Variants in PIN1 observed in about 807,000 individuals in gnomAD.
PIN1 encodes peptidyl-prolyl cis-trans isomerase NIMA-interacting 1.
PIN1 carries 8 observed loss-of-function variants against 19.9 expected under a neutral mutation model. That is an observed-to-expected ratio of 0.40 (90% CI 0.24 to 0.72). The LOEUF is 0.72. PIN1 is among the 30% of genes least tolerant of loss of function. PIN1 has a pLI of 0.37. For missense variants in PIN1, 185 were observed against 226.5 expected (o/e 0.82, Z 1.18); for synonymous variants, 86 against 90.8 (o/e 0.95, Z 0.30).
chr19:9,835,462 C>A (rs1331549179), intron 1 of PIN1, 60 bp downstream of exon 1: 1 of 1,217,274 alleles, frequency 8.2e-7, no homozygotes, highest in South Asian at 1.7e-5. Flanking sequence ...AGGGCTCGAG[C>A]TCGCCCCTTG....
intron 1 of PIN1, 163 bp downstream of exon 1, chr19:9,835,565 C>T (rs182569694): frequency 1.2e-5 from 7 of 571,390 alleles, no homozygotes; most frequent in African/African-American, 1.2e-4. Flanking sequence ...GTTGTGGGGA[C>T]TGCGAGCCTC....
intron 1 of PIN1, 141 bp downstream of exon 1, chr19:9,835,543 C>G (rs2046093805): frequency 3.2e-6 from 2 of 629,372 alleles, no homozygotes; most frequent in Admixed American, 8.6e-5. Context: ...GGTAACGGCC[C>G]CGGCCCGCCC....
At chr19:9,840,213 C>A (rs141474022) in intron 2 of PIN1, among the ~76,000 whole-genome samples, 1 of 152,020 alleles carries the variant, frequency 6.6e-6, no homozygotes, top group African/African-American at 2.4e-5. Flanking sequence ...ACGGTGAAAC[C>A]CTGTCTTTAC....
chr19:9,838,512 C>T lies in PIN1; in HGVS notation c.135C>T (p.Gly45=). 1 of 1,604,170 alleles carries T rather than the reference C, an allele frequency of 6.2e-7. No homozygotes were observed. Among genetic ancestry groups the T allele is most frequent in the Non-Finnish European group, 8.5e-7 (1 of 1,176,646 alleles). ...CCAGCGGCAACAGCAGCAGTGGTGG[C>T]AAAAACGGGCAGGGGGAGCCTGCCA... The part of the protein sequence containing the change: ...ERPSGNSSSG[G]KNGQGEPARV... The change falls in exon 2 of 4, where the codon GGC becomes GGT. Residue 45 remains glycine (G), a synonymous_variant. Transcript: ENST00000247970. The surrounding 1 kb of genome is among the most constrained non-coding windows in gnomAD (Gnocchi z 5.8).
At chr19:9,839,079 TATC>T (rs1250044778) in intron 2 of PIN1, among the ~76,000 whole-genome samples, 2 of 152,118 alleles carry the variant, frequency 1.3e-5, no homozygotes, top group South Asian at 2.1e-4. Context: ...TCAATAGTAA[TATC>T]ATCCACTAGG....
chr19:9,847,461 T>C (rs560479238), intron 2 of PIN1, among the ~76,000 whole-genome samples: 18 of 152,330 alleles, frequency 1.2e-4, no homozygotes, highest in African/African-American at 4.3e-4. Flanking sequence ...CGAGTGTCCC[T>C]TGCAGAGCCC....
intron 2 of PIN1, 23 bp from the exon 3 acceptor site, chr19:9,848,007 C>T (rs1245133273): frequency 6.7e-7 from 1 of 1,488,824 alleles, no homozygotes; most frequent in Admixed American, 1.7e-5. Flanking sequence ...ACCTGGCACT[C>T]CCATTCCGTT....
At chr19:9,835,628 G>T in intron 1 of PIN1, 1 of 491,514 alleles carries the variant, frequency 2.0e-6, no homozygotes. Flanking sequence ...GGCGGGTGAG[G>T]GTCCGGGGAG....
At chr19:9,848,478 C>T (rs1169263401) in intron 3 of PIN1, 1 of 324,900 alleles carries the variant, frequency 3.1e-6, no homozygotes, top group Non-Finnish European at 5.9e-6. Flanking sequence ...AGGTTGAGGG[C>T]CCTGAGAGTC....
intron 1 of PIN1, chr19:9,837,032 G>C (rs1039726977): frequency 4.7e-6 from 2 of 422,816 alleles, no homozygotes; most frequent in African/African-American, 4.1e-5. Flanking sequence ...GTGTGGCTCA[G>C]GCTGCAGTGC....
intron 1 of PIN1, 24 bp downstream of exon 1, chr19:9,835,426 G>C (rs1438754434): frequency 6.9e-7 from 1 of 1,446,546 alleles, no homozygotes; most frequent in Non-Finnish European, 9.1e-7. Flanking sequence ...CGGGGCTGGG[G>C]CGGGACTGCG....
chr19:9,848,166 G>C (rs2046240530), intron 3 of PIN1, 26 bp downstream of exon 3: 1 of 1,399,138 alleles, frequency 7.1e-7, no homozygotes, highest in East Asian at 2.3e-5. Context: ...GCCTCACCAG[G>C]TTGGGGGACC....
chr19:9,844,237 GGCCT>G (rs34164930), intron 2 of PIN1, among the ~76,000 whole-genome samples: 9,831 of 152,096 alleles, frequency 0.065, 746 homozygotes, highest in African/African-American at 0.18. Flanking sequence ...ATCTGTCAGG[GGCCT>G]GCTCTGCAAC....
chr19:9,848,201 C>T (rs1281522449), intron 3 of PIN1, 61 bp downstream of exon 3: 1 of 1,041,474 alleles, frequency 9.6e-7, no homozygotes, highest in Non-Finnish European at 1.5e-6. Context: ...GGGTAGAGGC[C>T]AGGAGGGTCT....
intron 2 of PIN1, among the ~76,000 whole-genome samples, chr19:9,843,110 C>T (rs537506711): frequency 9.2e-5 from 14 of 152,338 alleles, no homozygotes; most frequent in Non-Finnish European, 1.8e-4. Flanking sequence ...CCTCCCTGCC[C>T]GCTCTCCACC....
chr19:9,836,766 T>C, intron 1 of PIN1: 1 of 1,158,906 alleles, frequency 8.6e-7, no homozygotes, highest in South Asian at 1.3e-5. Context: ...AGCAGAGCTT[T>C]CGGGTGTGAA....
rs1292213007 is a variant in PIN1, at chr19:9,838,393, G to A, written c.59-43G>A. The A allele has an allele frequency of 6.6e-7, 1 of 1,512,450 alleles. No homozygotes were observed. The highest frequency in any genetic ancestry group is 2.3e-5 in the East Asian group (1 of 42,996). The allele number at this position is 1,512,450 out of a possible 1,614,324, so 93.7% of individuals were successfully genotyped here. A position where few individuals can be genotyped will look rare whatever the true frequency, so the allele number is the denominator to read the frequency against. On this transcript the variant is annotated intron_variant, in intron 1 of 3. Transcript: ENST00000247970. This position sits in a 1 kb window ranked among gnomAD's most constrained non-coding sequence, Gnocchi z 5.8. ...TGGCTGTGGGCCCAGGGGTGTCCTG[G>A]GAGCACAACCCTAGCTGAATTCCTG...
At chr19:9,847,230 G>A (rs1404923735) in intron 2 of PIN1, among the ~76,000 whole-genome samples, 1 of 152,184 alleles carries the variant, frequency 6.6e-6, no homozygotes, top group Non-Finnish European at 1.5e-5. Flanking sequence ...GAGTCACTCA[G>A]ATGCTACTCT....
intron 2 of PIN1, among the ~76,000 whole-genome samples, chr19:9,843,484 T>C (rs117191051): frequency 2.1e-3 from 323 of 152,368 alleles, no homozygotes; most frequent in Admixed American, 4.2e-3. Flanking sequence ...ACCCCATTTG[T>C]TCCCTCACTC....
Sources: allele counts gnomAD v4.1 joint callset (sites outside exome capture counted in the v4.1 genomes callset), GRCh38; gene constraint gnomAD v4.1.1; non-coding constraint Gnocchi (gnomAD v3.1); transcripts MANE v1.5; gene names NCBI Gene and HGNC (gene_info 2026-07-23, HGNC 2026-07-21).